Variants in CHODL observed in about 807,000 individuals in gnomAD.
CHODL encodes transmembrane protein MT75.
In CHODL, 29 loss-of-function variants were observed where a neutral mutation model predicts 34.5. The observed-to-expected ratio is 0.84, with a 90% CI of 0.63 to 1.15. The LOEUF is 1.15. Ranked by LOEUF, CHODL falls within the 50% of genes most tolerant of loss-of-function variation. CHODL has a pLI of 0.00. For synonymous variants in CHODL, 125 were observed against 116.1 expected (o/e 1.08, Z -0.49); for missense variants, 332 against 332.5 (o/e 1.00, Z 0.01).
chr21:18,251,564 T>A (rs374189890), intron 1 of CHODL, among the ~76,000 whole-genome samples: 238 of 14,976 alleles, frequency 0.016, 3 homozygotes, highest in African/African-American at 0.07. Context: ...TTTATTTTAT[T>A]TATTTATTTT....
chr21:18,054,195 T>C (rs2064551529), intron 2 of CHODL, among the ~76,000 whole-genome samples: 1 of 152,072 alleles, frequency 6.6e-6, no homozygotes, highest in Non-Finnish European at 1.5e-5. Context: ...TATATCCATA[T>C]ACATATACAG....
chr21:18,109,880 T>C (rs1293696318), intron 2 of CHODL, among the ~76,000 whole-genome samples: 1 of 152,074 alleles, frequency 6.6e-6, no homozygotes, highest in African/African-American at 2.4e-5. Flanking sequence ...ATAGAACACA[T>C]TCAGTGTCTC....
rs1183076507 is a variant in CHODL, at chr21:17,955,744, G to A, written c.-145+38344G>A. On this transcript the variant is annotated intron_variant, in intron 1 of 6. Transcript: ENST00000400127. ...GGAAAAAAATTGCTTGCTTTTTTGG[G>A]AATAGACTTTTATAAAAACCTGAAG... 2.9e-5 allele frequency among the ~76,000 whole-genome samples: 4 copies of A among 136,802 alleles called. 1 individual carries two copies. Among genetic ancestry groups the A allele is most frequent in the Non-Finnish European group, 6.6e-5 (4 of 60,154 alleles). The allele number at this position is 136,802 out of a possible 152,430, so 89.7% of individuals were successfully genotyped here.
At position 18,249,029 on chromosome 21, in the gene CHODL, T is replaced by A. The variant is rs1386232732; in HGVS notation, c.79+3727T>A. Among the ~76,000 whole-genome samples the A allele has an allele frequency of 9.3e-5, 11 of 118,244 alleles. 1 individual carries two copies. Among genetic ancestry groups the A allele is most frequent in the South Asian group, 6.7e-4 (3 of 4,480 alleles). The allele number at this position is 118,244 out of a possible 152,430, so 77.6% of individuals were successfully genotyped here. ...ATATAATATATATTATACATAATAT[T>A]AATATATATAATATTATATATATTA... On this transcript the variant is annotated intron_variant, in intron 1 of 5. Coordinates refer to ENST00000299295, the MANE Select transcript of CHODL (RefSeq NM_024944.3).
At chr21:17,964,386 A>G (rs2063555736) in intron 1 of CHODL, among the ~76,000 whole-genome samples, 1 of 152,234 alleles carries the variant, frequency 6.6e-6, no homozygotes, top group South Asian at 2.1e-4. Context: ...CACGTGCTGA[A>G]CATGAAAATG....
intron 2 of CHODL, among the ~76,000 whole-genome samples, chr21:18,097,286 T>C (rs561113877): frequency 2.6e-5 from 4 of 152,258 alleles, no homozygotes; most frequent in South Asian, 2.1e-4. Flanking sequence ...CAAATCATCC[T>C]TGTTTGCAGA....
chr21:18,137,131 C>T (rs1378956545), intron 2 of CHODL, among the ~76,000 whole-genome samples: 1 of 151,992 alleles, frequency 6.6e-6, no homozygotes, highest in African/African-American at 2.4e-5. Flanking sequence ...GGCCTGTGTG[C>T]AATGTAAAAC....
At chr21:17,975,146 T>A (rs765862111) in intron 1 of CHODL, among the ~76,000 whole-genome samples, 24 of 151,798 alleles carry the variant, frequency 1.6e-4, no homozygotes, top group Non-Finnish European at 1.9e-4. Context: ...GCCAAGATGG[T>A]GAAAGATTAT....
At chr21:18,028,230 C>CTTCCCCT (rs143297215) in intron 2 of CHODL, among the ~76,000 whole-genome samples, 1 of 116,618 alleles carries the variant, frequency 8.6e-6, no homozygotes, top group Non-Finnish European at 1.7e-5. Flanking sequence ...CTCCCCTCCC[C>CTTCCCCT]TCCCCTTCCC....
At chr21:17,933,547 G>A (rs968026446) in intron 1 of CHODL, among the ~76,000 whole-genome samples, 3 of 152,164 alleles carry the variant, frequency 2.0e-5, no homozygotes, top group South Asian at 2.1e-4. Flanking sequence ...CAGAGAGCAC[G>A]GGGTTGGGGT....
At chr21:18,107,524 A>G (rs903481500) in intron 2 of CHODL, among the ~76,000 whole-genome samples, 1 of 152,178 alleles carries the variant, frequency 6.6e-6, no homozygotes, top group East Asian at 1.9e-4. Flanking sequence ...GCATCTGTCC[A>G]TTTTGCTATA....
rs1271644047 is a variant in CHODL at position 18,180,073 on chromosome 21, T to C, written c.-44-76436T>C. Among the ~76,000 whole-genome samples, 16 of 152,314 alleles carry C rather than the reference T, an allele frequency of 1.1e-4. 1 individual carries two copies. Among genetic ancestry groups the C allele is most frequent in the Non-Finnish European group, 7.4e-5 (5 of 68,016 alleles). ...TGTTGTAGGGATTAAATGAGCTGAC[T>C]CATGTAAAGCACCAATGCCTAGGTT... On this transcript the variant is annotated intron_variant, in intron 2 of 6. Coordinates refer to the CHODL transcript ENST00000400127.
At chr21:18,108,837 T>TTG (rs68066729) in intron 2 of CHODL, among the ~76,000 whole-genome samples, 3,161 of 146,174 alleles carry the variant, frequency 0.022, 44 homozygotes, top group African/African-American at 0.046. Context: ...CTTTGCAATG[T>TTG]TGTGTGTGTG....
intron 1 of CHODL, among the ~76,000 whole-genome samples, chr21:18,013,376 G>C (rs991821183): frequency 1.3e-5 from 2 of 150,620 alleles, no homozygotes; most frequent in Non-Finnish European, 2.9e-5. Context: ...TCATCTCTAG[G>C]AATTTCCCAA....
chr21:18,087,130 C>T (rs1159117482), intron 2 of CHODL, among the ~76,000 whole-genome samples: 1 of 152,180 alleles, frequency 6.6e-6, no homozygotes, highest in South Asian at 2.1e-4. Flanking sequence ...AGCTGCATCA[C>T]CTTGAACTTG....
rs538177997 is a variant in CHODL, at chr21:18,190,901, G to A, written c.-44-65608G>A. On this transcript the variant is annotated intron_variant, in intron 2 of 6. Coordinates refer to the CHODL transcript ENST00000400127. ...GGAAGAGTTACTTGATATTCGTGAA[G>A]TCCAAGATAGATTTAATTTTCTTTC... Among the ~76,000 whole-genome samples the A allele has an allele frequency of 1.7e-4, 26 of 152,228 alleles. 1 individual carries two copies. Among genetic ancestry groups the A allele is most frequent in the African/African-American group, 6.3e-4 (26 of 41,552 alleles).
At chr21:18,230,284 A>G (rs2073967299) in intron 2 of CHODL, among the ~76,000 whole-genome samples, 1 of 152,158 alleles carries the variant, frequency 6.6e-6, no homozygotes. Flanking sequence ...TAAATCATTC[A>G]AATTTTAGGC....
In CHODL at chr21:18,245,194, C is replaced by A. The variant is rs754372978; in HGVS notation, c.-30C>A. The A allele has an allele frequency of 1.5e-5, 22 of 1,512,238 alleles. No individual in the cohort carries two copies. In the African/African-American group the frequency reaches 3.0e-4, roughly 21 times the overall value. The allele number at this position is 1,512,238 out of a possible 1,614,324, so 93.7% of individuals were successfully genotyped here. On this transcript the variant is annotated 5_prime_UTR_variant, in exon 1 of 6. Transcript: ENST00000299295. ...CTGGGCAGAGGCCGCCCTCGCTCCACGCAACACCTGCTGCTGCCACCGCGC... is the reference window on the plus strand; with the variant it reads ...CTGGGCAGAGGCCGCCCTCGCTCCAAGCAACACCTGCTGCTGCCACCGCGC...
At chr21:18,234,777 C>T (rs368196053) in intron 2 of CHODL, among the ~76,000 whole-genome samples, 5 of 152,112 alleles carry the variant, frequency 3.3e-5, no homozygotes, top group East Asian at 1.9e-4. Flanking sequence ...ACATCTTTGG[C>T]GTTGAGTCGG....
Sources: gnomAD v4.1 joint callset for allele counts (sites outside exome capture counted in the v4.1 genomes callset) on GRCh38, gnomAD v4.1.1 for gene constraint, MANE v1.5 for transcripts, NCBI Gene and HGNC (gene_info 2026-07-23, HGNC 2026-07-21) for gene names.